Variants in HS3ST4 observed in about 807,000 individuals in gnomAD.
HS3ST4 encodes heparan sulfate-glucosamine 3-sulfotransferase 4.
Under a neutral mutation model 29.2 loss-of-function variants are expected in HS3ST4, and 17 were observed. That is an observed-to-expected ratio of 0.58 (90% confidence interval 0.40 to 0.87). The LOEUF is 0.87. Among genes scored for constraint, HS3ST4 ranks in the 40% least tolerant of loss-of-function variants. The probability of loss-of-function intolerance (pLI) is 0.00; values close to 1 mark genes in which losing one functional copy is unlikely to be tolerated. For synonymous variants in HS3ST4, 314 were observed against 285.7 expected (o/e 1.10, Z -1.00); for missense variants, 627 against 634.5 (o/e 0.99, Z 0.13).
At chr16:25,871,868 G>A (rs528681915) in intron 1 of HS3ST4, among the ~76,000 whole-genome samples, 16 of 152,222 alleles carry the variant, frequency 1.1e-4, no homozygotes, top group Admixed American at 5.9e-4. Flanking sequence ...ACTCTTCACC[G>A]GCAACATGAA....
intron 1 of HS3ST4, among the ~76,000 whole-genome samples, chr16:25,793,449 T>C (rs1966874784): frequency 6.6e-6 from 1 of 151,996 alleles, no homozygotes; most frequent in Non-Finnish European, 1.5e-5. Context: ...TTTTGGTTTA[T>C]ATATGTGACA....
chr16:25,821,917 C>T (rs1029003237), intron 1 of HS3ST4, among the ~76,000 whole-genome samples: 2 of 152,202 alleles, frequency 1.3e-5, no homozygotes, highest in African/African-American at 4.8e-5. Flanking sequence ...AAGGTTTTCT[C>T]TTCTTGGCAG....
chr16:26,127,451 C>G (rs1899359762), intron 1 of HS3ST4, among the ~76,000 whole-genome samples: 1 of 152,182 alleles, frequency 6.6e-6, no homozygotes, highest in South Asian at 2.1e-4. Context: ...TTACTCAAAA[C>G]AAAACAAAAT....
chr16:25,728,854 A>G (rs1966553708), intron 1 of HS3ST4, among the ~76,000 whole-genome samples: 1 of 152,210 alleles, frequency 6.6e-6, no homozygotes, highest in Non-Finnish European at 1.5e-5. Context: ...AGGCCAAGGC[A>G]GAAGGATCTT....
At chr16:26,107,056 G>T (rs1239714856) in intron 1 of HS3ST4, among the ~76,000 whole-genome samples, 1 of 151,958 alleles carries the variant, frequency 6.6e-6, no homozygotes, top group Admixed American at 6.6e-5. Flanking sequence ...TCTCTGAGGG[G>T]TTAGTTATTC....
At chr16:26,084,164 A>T (rs189319663) in intron 1 of HS3ST4, among the ~76,000 whole-genome samples, 1 of 152,282 alleles carries the variant, frequency 6.6e-6, no homozygotes, top group East Asian at 1.9e-4. Flanking sequence ...CTGTAGTGCC[A>T]GTCTCTCCTG....
chr16:25,968,063 G>A (rs1968860954), intron 1 of HS3ST4, among the ~76,000 whole-genome samples: 1 of 152,164 alleles, frequency 6.6e-6, no homozygotes, highest in Non-Finnish European at 1.5e-5. Context: ...CAGGAGAAGT[G>A]GGAGGCTCTT....
chr16:25,900,560 T>C (rs1465642904), intron 1 of HS3ST4, among the ~76,000 whole-genome samples: 6 of 152,160 alleles, frequency 3.9e-5, no homozygotes, highest in African/African-American at 1.2e-4. Flanking sequence ...GATCCTCACA[T>C]GTGCCAGGCG....
chr16:25,788,233 C>T (rs1019082153), intron 1 of HS3ST4, among the ~76,000 whole-genome samples: 4 of 151,696 alleles, frequency 2.6e-5, no homozygotes, highest in Non-Finnish European at 5.9e-5. Flanking sequence ...GTCAATATGG[C>T]GAAAACTTAT....
intron 1 of HS3ST4, among the ~76,000 whole-genome samples, chr16:25,790,431 A>G (rs1966866783): frequency 6.6e-6 from 1 of 152,156 alleles, no homozygotes; most frequent in Non-Finnish European, 1.5e-5. Flanking sequence ...ATAAAGAAAA[A>G]CAAACAAATA....
intron 1 of HS3ST4, among the ~76,000 whole-genome samples, chr16:25,828,248 CTTTCTT>C (rs1567249331): frequency 3.0e-4 from 18 of 60,452 alleles, no homozygotes; most frequent in African/African-American, 1.2e-3. Context: ...CTTTCTCTTT[CTTTCTT>C]TCTTTCTTTC....
chr16:26,103,532 A>G (rs1899014417), intron 1 of HS3ST4, among the ~76,000 whole-genome samples: 2 of 152,290 alleles, frequency 1.3e-5, no homozygotes, highest in Admixed American at 1.3e-4. Flanking sequence ...GTTAGGAAGT[A>G]CTTGTCCACC....
chr16:26,100,107 C>T (rs548714538), intron 1 of HS3ST4, among the ~76,000 whole-genome samples: 10 of 151,984 alleles, frequency 6.6e-5, no homozygotes, highest in South Asian at 4.2e-4. Flanking sequence ...GACATACAGA[C>T]GGGAAGAACT....
intron 1 of HS3ST4, among the ~76,000 whole-genome samples, chr16:25,860,992 G>T (rs1333863575): frequency 6.6e-6 from 1 of 152,138 alleles, no homozygotes; most frequent in African/African-American, 2.4e-5. Flanking sequence ...GGAAATCCCT[G>T]TTCCTTCCTC....
At chr16:25,853,978 T>C (rs1420754149) in intron 1 of HS3ST4, among the ~76,000 whole-genome samples, 2 of 152,212 alleles carry the variant, frequency 1.3e-5, no homozygotes, top group Admixed American at 6.5e-5. Flanking sequence ...TGTAGCTAAC[T>C]TATCATTGTT....
chr16:26,034,974 C>G (rs1257877891), intron 1 of HS3ST4, among the ~76,000 whole-genome samples: 1 of 152,042 alleles, frequency 6.6e-6, no homozygotes, highest in Admixed American at 6.5e-5. Context: ...AGAGTGAGAT[C>G]CCATCTGAAA....
chr16:25,861,614 C>T (rs1308685097), intron 1 of HS3ST4, among the ~76,000 whole-genome samples: 1 of 152,104 alleles, frequency 6.6e-6, no homozygotes, highest in East Asian at 1.9e-4. Context: ...GCACCAGCAA[C>T]TCAGGCCAGG....
At chr16:25,768,078 A>G (rs13331549) in intron 1 of HS3ST4, among the ~76,000 whole-genome samples, 32,310 of 152,162 alleles carry the variant, frequency 0.21, 4,160 homozygotes, top group Non-Finnish European at 0.29. Context: ...GCAGAAGCCC[A>G]GCAGAGAGAG....
intron 1 of HS3ST4, among the ~76,000 whole-genome samples, chr16:26,020,875 A>C (rs1370478158): frequency 5.9e-5 from 9 of 152,174 alleles, no homozygotes; most frequent in Non-Finnish European, 1.0e-4. Context: ...CAATCTCTAC[A>C]TGTATTAGTT....
Sources: gnomAD v4.1 joint callset for allele counts (sites outside exome capture counted in the v4.1 genomes callset) on GRCh38, gnomAD v4.1.1 for gene constraint, MANE v1.5 for transcripts, NCBI Gene and HGNC (gene_info 2026-07-23, HGNC 2026-07-21) for gene names.